CCDC150: variants seen among roughly 807,000 people sequenced by gnomAD.
The protein encoded by CCDC150 is coiled-coil domain containing 150, also known as coiled-coil domain-containing protein 150.
In CCDC150, 151 loss-of-function variants were observed where a neutral mutation model predicts 156.5. The ratio of observed to expected loss-of-function variants is 0.97; its 90% confidence interval spans 0.85 to 1.10. CCDC150 has a LOEUF of 1.10. CCDC150 is among the 50% of genes least tolerant of loss of function. CCDC150 has a pLI of 0.00. For missense variants in CCDC150, 1,312 were observed against 1,268.1 expected (o/e 1.03, Z -0.53); for synonymous variants, 452 against 429.4 (o/e 1.05, Z -0.65).
chr2:196,686,709 T>A (rs1433265922), intron 13 of CCDC150, among the ~76,000 whole-genome samples: 2 of 152,138 alleles, frequency 1.3e-5, no homozygotes, highest in African/African-American at 2.4e-5. Context: ...GGATTTGTTA[T>A]GCAGATTATT....
At chr2:196,658,494 A>G (rs781134908) in intron 4 of CCDC150, among the ~76,000 whole-genome samples, 4 of 152,198 alleles carry the variant, frequency 2.6e-5, no homozygotes, top group African/African-American at 9.6e-5. Context: ...ATGTCTGTCA[A>G]TTACCAGATT....
At chr2:196,648,445 A>G (rs1199601372) in intron 2 of CCDC150, among the ~76,000 whole-genome samples, 2 of 152,018 alleles carry the variant, frequency 1.3e-5, no homozygotes, top group Non-Finnish European at 2.9e-5. Flanking sequence ...TCATTTGAGG[A>G]ATGTCTATTC....
In CCDC150 at chr2:196,657,042, G is replaced by C; in HGVS notation, c.482G>C (p.Arg161Pro). The C allele has an allele frequency of 6.2e-7, 1 of 1,613,702 alleles. No homozygotes were observed. The highest frequency in any genetic ancestry group is 8.5e-7 in the Non-Finnish European group (1 of 1,179,750). Residue 161 changes from arginine to proline, a missense_variant, in exon 4 of 28, where the codon CGC becomes CCC. Physicochemically the swap from Arg to Pro is moderately radical, Grantham distance 103. Transcript: ENST00000389175. ...KLLHLEVMNL[R>P]QQLRAVKEEE... ...TTGCATCTCGAAGTTATGAATTTGCGCCAGCAACTGAGAGCTGTAAAAGAG... is the reference window on the plus strand; with the variant it reads ...TTGCATCTCGAAGTTATGAATTTGCCCCAGCAACTGAGAGCTGTAAAAGAG...
intron 11 of CCDC150, 30 bp from the exon 12 acceptor site, chr2:196,676,524 C>A: frequency 6.4e-7 from 1 of 1,556,700 alleles, no homozygotes; most frequent in Non-Finnish European, 8.7e-7. Context: ...TCTAATTTAG[C>A]TTTCATATGT....
chr2:196,683,678 T>C (rs1694971037), intron 13 of CCDC150, among the ~76,000 whole-genome samples: 1 of 152,008 alleles, frequency 6.6e-6, no homozygotes, highest in South Asian at 2.1e-4. Flanking sequence ...CTTTGTTTGG[T>C]TTATTATTTT....
Position 196,701,187 on chromosome 2 carries a change from G to T in CCDC150, c.1695+7G>T. ...TGAAAACGGAAAACTCCAGGTATGA[G>T]ATTTATTTTCTGATTTTTCTTGTTT... On this transcript the variant is annotated splice_region_variant and intron_variant, in intron 15 of 27. Coordinates refer to ENST00000389175, the MANE Select transcript of CCDC150 (RefSeq NM_001080539.2). 1 of 1,556,008 alleles carries T rather than the reference G, an allele frequency of 6.4e-7. No individual in the cohort carries two copies. The highest frequency in any genetic ancestry group is 1.2e-5 in the South Asian group (1 of 83,168).
intron 3 of CCDC150, 28 bp from the exon 4 acceptor site, chr2:196,656,930 T>G: frequency 6.2e-7 from 1 of 1,612,206 alleles, no homozygotes; most frequent in Non-Finnish European, 8.5e-7. Context: ...TTTCTGCTGC[T>G]TGATGCCCCT....
At position 196,732,496 on chromosome 2, in the gene CCDC150, A is replaced by G. The variant is rs114480191; in HGVS notation, c.3240A>G (p.Arg1080=). ...DVMSNQSVLH[R]WERKQNLRPM... ...TGTCCAACCAATCTGTTCTGCATCG[A>G]TGGGAGAGAAAACAGAATCTTAGGC... Residue 1080 remains arginine (R), a synonymous_variant, in exon 28 of 28, where the codon CGA becomes CGG. Transcript: ENST00000389175. The G allele has an allele frequency of 2.1e-3, 3,464 of 1,613,838 alleles. 65 individuals carry two copies. The African/African-American group carries it at 0.041, about 19-fold the overall frequency.
At chr2:196,652,924 A>G (rs528926778) in intron 2 of CCDC150, among the ~76,000 whole-genome samples, 1 of 152,338 alleles carries the variant, frequency 6.6e-6, no homozygotes, top group South Asian at 2.1e-4. Context: ...TGTCCTCTGA[A>G]GCAGTGACCT....
At chr2:196,674,456 A>G (rs1694376964) in intron 10 of CCDC150, 108 bp downstream of exon 10, 1 of 663,506 alleles carries the variant, frequency 1.5e-6, no homozygotes, top group Non-Finnish European at 2.6e-6. Context: ...AATTTCAAAA[A>G]ATCTACTGAA....
At chr2:196,712,276 G>T (rs751154600) in intron 16 of CCDC150, 24 bp downstream of exon 16, 7 of 1,246,014 alleles carry the variant, frequency 5.6e-6, no homozygotes, top group South Asian at 1.5e-5. Context: ...CTACAAAAGC[G>T]GATTGCTGCT....
At chr2:196,682,137 CTA>C (rs1436390378) in intron 13 of CCDC150, among the ~76,000 whole-genome samples, 2 of 151,880 alleles carry the variant, frequency 1.3e-5, no homozygotes, top group African/African-American at 4.8e-5. Flanking sequence ...TTTATATGTG[CTA>C]TGAGGTAAGG....
chr2:196,720,339 TA>T, intron 19 of CCDC150: 2 of 479,284 alleles, frequency 4.2e-6, no homozygotes, highest in Non-Finnish European at 7.7e-6. Context: ...GGAATGGTAT[TA>T]AAAATACTAT....
chr2:196,732,568 T>C lies in CCDC150; in HGVS notation c.*6T>C, dbSNP rs1179804727. On this transcript the variant is annotated 3_prime_UTR_variant, in exon 28 of 28. Transcript: ENST00000389175. The stretch of plus-strand genomic sequence containing the variant: ...CTGAGGTACAGAGGAAGTGATGTCC[T>C]TGACAAGGGAGCTTCTTTATGTGTA... 5 of 1,573,916 alleles carry C rather than the reference T, an allele frequency of 3.2e-6. No homozygotes were observed. In the African/African-American group the frequency reaches 6.8e-5, roughly 21 times the overall value.
At chr2:196,709,935 G>A (rs372820080) in intron 15 of CCDC150, among the ~76,000 whole-genome samples, 158 of 152,322 alleles carry the variant, frequency 1.0e-3, no homozygotes, top group African/African-American at 3.8e-3. Context: ...CCCCTACTGG[G>A]AGGTGTCTCC....
chr2:196,732,009 T>C, intron 26 of CCDC150, 24 bp from the exon 27 acceptor site: 7 of 1,608,050 alleles, frequency 4.4e-6, no homozygotes, highest in Non-Finnish European at 5.9e-6. Flanking sequence ...TTGTGTCTTT[T>C]AATGGTGATA....
chr2:196,728,845 A>G (rs577373074), intron 22 of CCDC150, among the ~76,000 whole-genome samples: 3 of 152,216 alleles, frequency 2.0e-5, no homozygotes, highest in Non-Finnish European at 4.4e-5. Flanking sequence ...TGTTCAGATG[A>G]TGAACCTGAG....
At chr2:196,716,033 A>G (rs1284699173) in intron 17 of CCDC150, among the ~76,000 whole-genome samples, 1 of 152,242 alleles carries the variant, frequency 6.6e-6, no homozygotes, top group African/African-American at 2.4e-5. Context: ...AAACCTAAGA[A>G]AAAGAATAGG....
At chr2:196,732,327 C>T (rs1698565566) in intron 27 of CCDC150, 119 bp from the exon 28 acceptor site, 1 of 1,132,720 alleles carries the variant, frequency 8.8e-7, no homozygotes. Flanking sequence ...CTGTCACAAA[C>T]TTTTTAGATT....
Sources: gnomAD v4.1 joint callset for allele counts (sites outside exome capture counted in the v4.1 genomes callset) on GRCh38, gnomAD v4.1.1 for gene constraint, MANE v1.5 for transcripts, NCBI Gene and HGNC (gene_info 2026-07-23, HGNC 2026-07-21) for gene names.